Variants in CDH4 observed in about 807,000 individuals in gnomAD.
CDH4 encodes the protein cadherin-4.
A neutral mutation model predicts 86.0 loss-of-function variants in CDH4; 33 were observed. That is an observed-to-expected ratio of 0.38 (90% CI 0.29 to 0.51). CDH4 has a LOEUF of 0.51. Among genes scored for constraint, CDH4 ranks in the 20% least tolerant of loss-of-function variants. CDH4 has a pLI of 0.86. For synonymous variants in CDH4, 555 were observed against 549.4 expected (o/e 1.01, Z -0.14); for missense variants, 1,114 against 1,307.4 (o/e 0.85, Z 2.28).
At position 61,681,722 on chromosome 20, in the gene CDH4, T is replaced by A. The variant is rs977962427; in HGVS notation, c.170-61841T>A. ...ATCGGGAAAGTCCGGGCTCAGTGCA[T>A]GTGGAGCTGCCACCCTAGAAAGCCC... On this transcript the variant is annotated intron_variant, in intron 2 of 15. Coordinates refer to ENST00000614565, the MANE Select transcript of CDH4 (RefSeq NM_001794.5). This position sits in a 1 kb window ranked among gnomAD's most constrained non-coding sequence, Gnocchi z 4.5. Among the ~76,000 whole-genome samples, 1 of 152,154 alleles carries A rather than the reference T, an allele frequency of 6.6e-6. No individual in the cohort carries two copies. Among genetic ancestry groups the A allele is most frequent in the South Asian group, 2.1e-4 (1 of 4,816 alleles).
chr20:61,468,251 G>A (rs957168488), intron 2 of CDH4, among the ~76,000 whole-genome samples: 4 of 152,150 alleles, frequency 2.6e-5, no homozygotes, highest in Admixed American at 6.5e-5. Flanking sequence ...CTGGCCCAAG[G>A]TGCCCAGGGA....
At chr20:61,651,464 C>A (rs994302858) in intron 2 of CDH4, among the ~76,000 whole-genome samples, 1 of 152,224 alleles carries the variant, frequency 6.6e-6, no homozygotes, top group Non-Finnish European at 1.5e-5. Flanking sequence ...GCTTTCCCAC[C>A]CCTTATGACC....
At chr20:61,903,078 T>A (rs1033729932) in intron 8 of CDH4, among the ~76,000 whole-genome samples, 1 of 150,688 alleles carries the variant, frequency 6.6e-6, no homozygotes, top group Middle Eastern at 3.4e-3. Flanking sequence ...AAACTAAATA[T>A]CTTAGGAAAC....
At chr20:61,559,039 C>T (rs1009440407) in intron 2 of CDH4, among the ~76,000 whole-genome samples, 4 of 152,198 alleles carry the variant, frequency 2.6e-5, no homozygotes, top group Non-Finnish European at 5.9e-5. Flanking sequence ...CACTGCTGGG[C>T]CGGGCGCAGT....
chr20:61,303,216 G>A (rs1782205416), intron 2 of CDH4, among the ~76,000 whole-genome samples: 4 of 152,206 alleles, frequency 2.6e-5, no homozygotes, highest in Admixed American at 2.6e-4. Context: ...AGAGTGGAGA[G>A]TGGTACCCAG....
chr20:61,581,749 G>T (rs567726281), intron 2 of CDH4, among the ~76,000 whole-genome samples: 3 of 152,324 alleles, frequency 2.0e-5, no homozygotes, highest in South Asian at 4.1e-4. Context: ...TGTCTGAGCT[G>T]TGTTCCTAGG....
intron 2 of CDH4, among the ~76,000 whole-genome samples, chr20:61,331,612 GCCCCAGGCCCA>G (rs1288083283): frequency 0.021 from 2,224 of 106,626 alleles, no homozygotes; most frequent in Admixed American, 0.027. Flanking sequence ...CCGGCCACCT[GCCCCAGGCCCA>G]CCTCCTGCCC....
intron 3 of CDH4, among the ~76,000 whole-genome samples, chr20:61,744,159 T>C (rs2088380457): frequency 6.6e-6 from 1 of 152,108 alleles, no homozygotes; most frequent in Admixed American, 6.5e-5. Flanking sequence ...GCCCAGGGCG[T>C]TCTGAAGCCT....
chr20:61,844,562 A>C, intron 4 of CDH4, 106 bp from the exon 5 acceptor site: 2 of 1,074,426 alleles, frequency 1.9e-6, no homozygotes, highest in Non-Finnish European at 2.7e-6. Context: ...GTACCTGAAA[A>C]TGGTCGAGCT....
chr20:61,928,506 G>A, intron 12 of CDH4, 83 bp downstream of exon 12: 1 of 1,173,804 alleles, frequency 8.5e-7, no homozygotes, highest in Non-Finnish European at 1.2e-6. Context: ...TTGGAAGAGT[G>A]GGCACCAGAG....
At chr20:61,651,712 C>A (rs543829597) in intron 2 of CDH4, among the ~76,000 whole-genome samples, 1 of 152,306 alleles carries the variant, frequency 6.6e-6, no homozygotes, top group South Asian at 2.1e-4. Flanking sequence ...TAATAATTCC[C>A]AATTATTTTT....
In CDH4 at chr20:61,936,830, G is replaced by A. The variant is rs780992540; in HGVS notation, c.2638G>A (p.Val880Ile). 23 of 1,610,390 alleles carry A rather than the reference G, an allele frequency of 1.4e-5. No homozygotes were observed. Among genetic ancestry groups the A allele is most frequent in the African/African-American group, 2.7e-5 (2 of 74,774 alleles). Residue 880 changes from valine (V) to isoleucine (I), a missense_variant, in exon 16 of 16, where the codon GTC becomes ATC. Val to Ile is a conservative substitution (Grantham distance 29). This residue lies in a region of CDH4 where 188 missense variants were observed against 183.8 expected (regional missense o/e 1.02). Transcript: ENST00000614565. ...GGGGAGCGGCTCCACCGCAGGCTCC[G>A]TCAGCTCCCTGAACTCATCCAGTTC... ...YEGSGSTAGS[V>I]SSLNSSSSGD...
At chr20:61,581,520 C>T (rs970569184) in intron 2 of CDH4, among the ~76,000 whole-genome samples, 1 of 152,162 alleles carries the variant, frequency 6.6e-6, no homozygotes, top group Middle Eastern at 3.2e-3. Flanking sequence ...TCCAACATCA[C>T]CCCTCCTCCT....
chr20:61,759,786 C>G (rs1272909012), intron 3 of CDH4, among the ~76,000 whole-genome samples: 1 of 152,084 alleles, frequency 6.6e-6, no homozygotes, highest in African/African-American at 2.4e-5. Context: ...TAGGCGAGAC[C>G]CGAGACGCCT....
At chr20:61,406,259 TCTGCTCTACCC>T (rs2085081487) in intron 2 of CDH4, among the ~76,000 whole-genome samples, 1 of 151,856 alleles carries the variant, frequency 6.6e-6, no homozygotes, top group African/African-American at 2.4e-5. Context: ...CGGACCACCA[TCTGCTCTACCC>T]GGACCACCAT....
Position 61,349,336 on chromosome 20 carries a change from G to A in CDH4, c.169+94399G>A, listed in dbSNP as rs576164198. ...GGGATTCAGCCCCAGCTCCGCAGCC[G>A]GGTGTGGCAGCTCCTGTGCTGGGTA... is the stretch of plus-strand genomic sequence containing the variant. On this transcript the variant is annotated intron_variant, in intron 2 of 15. Transcript: ENST00000614565. 4.6e-5 allele frequency among the ~76,000 whole-genome samples: 7 copies of A among 152,356 alleles called. No individual in the cohort carries two copies. The South Asian group carries it at 1.0e-3, about 23-fold the overall frequency.
intron 6 of CDH4, among the ~76,000 whole-genome samples, 179 bp from the exon 7 acceptor site, chr20:61,873,548 TA>T (rs1983892174): frequency 6.6e-6 from 1 of 152,252 alleles, no homozygotes; most frequent in African/African-American, 2.4e-5. Context: ...TATGATTCTA[TA>T]AGGTGGGGTG....
intron 5 of CDH4, among the ~76,000 whole-genome samples, chr20:61,845,129 G>A (rs969902161): frequency 6.6e-5 from 10 of 152,236 alleles, no homozygotes; most frequent in East Asian, 5.8e-4. Flanking sequence ...CTCCATCCAC[G>A]TGGTCTTCTG....
chr20:61,423,263 G>A (rs769758583), intron 2 of CDH4, among the ~76,000 whole-genome samples: 2 of 152,188 alleles, frequency 1.3e-5, no homozygotes, highest in African/African-American at 2.4e-5. Flanking sequence ...AGCTGTGGGC[G>A]GTACTGGTGA....
Sources: gnomAD v4.1 joint callset for allele counts (sites outside exome capture counted in the v4.1 genomes callset) on GRCh38, gnomAD v4.1.1 for gene constraint, gnomAD v4.1.1 regional missense constraint, Gnocchi (gnomAD v3.1) non-coding constraint, MANE v1.5 for transcripts, NCBI Gene and HGNC (gene_info 2026-07-23, HGNC 2026-07-21) for gene names.